Variants in KCNAB2 observed in about 807,000 individuals in gnomAD.
KCNAB2 encodes the protein potassium voltage-gated channel subfamily A regulatory beta subunit 2, also known as voltage-gated potassium channel subunit beta-2.
A neutral mutation model predicts 63.6 loss-of-function variants in KCNAB2; 29 were observed. That is an observed-to-expected ratio of 0.46 (90% CI 0.34 to 0.62). KCNAB2 has a LOEUF of 0.62. Ranked by LOEUF, KCNAB2 falls within the 20% of genes least tolerant of loss-of-function variation. The pLI is 0.01. For synonymous variants in KCNAB2, 222 were observed against 224.2 expected, an observed-to-expected ratio of 0.99 and a Z score of 0.09; for missense variants, 359 against 563.9, an observed-to-expected ratio of 0.64 and a Z score of 3.68.
At chr1:6,049,670 A>C (rs187083149) in intron 1 of KCNAB2, among the ~76,000 whole-genome samples, 86 of 152,304 alleles carry the variant, frequency 5.6e-4, no homozygotes, top group African/African-American at 2.0e-3. Flanking sequence ...AGCTCCCTGT[A>C]GGGGCTCCTC....
Position 6,078,026 on chromosome 1 carries a change from C to T in KCNAB2, c.301-4169C>T, listed in dbSNP as rs535969153. The stretch of plus-strand genomic sequence containing the variant: ...CCTGAGCCTAAGTCCAGGAGTCAGC[C>T]GGGCCGGGCTTCCTTCTCCCGGCCA... On this transcript the variant is annotated intron_variant, in intron 4 of 15. Coordinates refer to ENST00000378083, the MANE Select transcript of KCNAB2 (RefSeq NM_001199862.2). This position sits in a 1 kb window ranked among gnomAD's most constrained non-coding sequence, Gnocchi z 4.2. Among the ~76,000 whole-genome samples, 90 of 149,636 alleles carry T rather than the reference C, an allele frequency of 6.0e-4. No individual in the cohort carries two copies. The highest frequency in any genetic ancestry group is 1.6e-3 in the African/African-American group (64 of 39,712).
intron 5 of KCNAB2, among the ~76,000 whole-genome samples, chr1:6,082,998 G>T (rs1307458277): frequency 6.6e-6 from 1 of 152,190 alleles, no homozygotes; most frequent in Non-Finnish European, 1.5e-5. Flanking sequence ...CTGCAGCGGG[G>T]CCCAGAGCAC....
upstream of KCNAB2, among the ~76,000 whole-genome samples, chr1:6,043,401 C>G (rs1047725845): frequency 6.6e-6 from 1 of 152,232 alleles, no homozygotes; most frequent in Non-Finnish European, 1.5e-5. Flanking sequence ...CCCACAGGCT[C>G]AACATGTTGT....
chr1:6,090,197 TC>T (rs2100761587), intron 8 of KCNAB2, among the ~76,000 whole-genome samples, 191 bp from the exon 9 acceptor site: 1 of 151,858 alleles, frequency 6.6e-6, no homozygotes, highest in African/African-American at 2.4e-5. Context: ...GAAGGGAAGA[TC>T]CCCCCACTCC....
Position 6,096,921 on chromosome 1 carries a change from G to A in KCNAB2, c.1069+165G>A, listed in dbSNP as rs942706239. Among the ~76,000 whole-genome samples the A allele has an allele frequency of 2.0e-5, 3 of 152,160 alleles. No individual in the cohort carries two copies. The highest frequency in any genetic ancestry group is 4.8e-5 in the African/African-American group (2 of 41,416). On this transcript the variant is annotated intron_variant, in intron 14 of 15. Coordinates refer to ENST00000378083, the MANE Select transcript of KCNAB2 (RefSeq NM_001199862.2). The surrounding 1 kb of genome is among the most constrained non-coding windows in gnomAD (Gnocchi z 5.9). The stretch of plus-strand genomic sequence containing the variant: ...AGCCTCGGGTAATCGGGCTCTAAGG[G>A]GCATGGTTGGGACCCCATGCCTCTA...
chr1:6,023,760 G>T (rs1305879217), intron 1 of KCNAB2, among the ~76,000 whole-genome samples: 1 of 151,992 alleles, frequency 6.6e-6, no homozygotes, highest in African/African-American at 2.4e-5. Context: ...TGTTGATAGT[G>T]CCTTCTATTT....
chr1:6,048,780 A>G (rs1225801471), intron 1 of KCNAB2, among the ~76,000 whole-genome samples: 1 of 152,142 alleles, frequency 6.6e-6, no homozygotes, highest in African/African-American at 2.4e-5. Flanking sequence ...CATTTGCCCC[A>G]CACCGGACTG....
chr1:6,095,246 C>T (rs1665519118), intron 11 of KCNAB2, 77 bp from the exon 12 acceptor site: 2 of 1,477,878 alleles, frequency 1.4e-6, no homozygotes, highest in African/African-American at 2.8e-5. Context: ...CACCTTGGTG[C>T]CCTCTCCATG....
chr1:6,045,822 G>A, upstream of KCNAB2: 5 of 847,204 alleles, frequency 5.9e-6, no homozygotes, highest in Non-Finnish European at 7.1e-6. The surrounding 1 kb of genome is among the most constrained non-coding windows in gnomAD (Gnocchi z 4.8). Context: ...GGCAGCAAGG[G>A]TAGGCCTGAG....
chr1:6,072,751 T>A lies in KCNAB2; in HGVS notation c.219-4T>A, dbSNP rs746414786. 6.2e-7 allele frequency: 1 copy of A among 1,613,742 alleles called. No homozygotes were observed. The highest frequency in any genetic ancestry group is 8.5e-7 in the Non-Finnish European group (1 of 1,179,804). On this transcript the variant is annotated splice_region_variant and splice_polypyrimidine_tract_variant and intron_variant, in intron 2 of 15. Transcript: ENST00000378083. Reference sequence around the variant, plus strand: ...TGAGAACTCACGTGGCGTTTGTTTTTCAGGAACCTGGGCAAGTCTGGCCTG... The same window carrying A: ...TGAGAACTCACGTGGCGTTTGTTTTACAGGAACCTGGGCAAGTCTGGCCTG...
chr1:6,076,166 T>G (rs1663642843), intron 4 of KCNAB2, among the ~76,000 whole-genome samples: 1 of 152,226 alleles, frequency 6.6e-6, no homozygotes, highest in African/African-American at 2.4e-5. Context: ...CTGTGTGAAC[T>G]GCTCAGCCCA....
chr1:6,086,119 CG>C lies in KCNAB2; in HGVS notation c.425+875del, dbSNP rs1664676642. 1.2e-5 allele frequency: 12 copies of C among 985,292 alleles called. No individual in the cohort carries two copies. Among genetic ancestry groups the C allele is most frequent in the Non-Finnish European group, 1.3e-5 (11 of 829,932 alleles). 61.0% of individuals were successfully genotyped at this position (985,292 alleles called of 1,614,324 possible). ...TTTATCTCAAGGTGCTGACAAGCCC[CG>C]GGGCCCTGTTCCTTAATAAATGCGT... On this transcript the variant is annotated intron_variant, in intron 6 of 15. Coordinates refer to ENST00000378083, the MANE Select transcript of KCNAB2 (RefSeq NM_001199862.2). The surrounding 1 kb of genome is among the most constrained non-coding windows in gnomAD (Gnocchi z 4.2).
intron 4 of KCNAB2, among the ~76,000 whole-genome samples, chr1:6,076,651 A>T (rs1663691126): frequency 6.6e-6 from 1 of 152,182 alleles, no homozygotes; most frequent in Non-Finnish European, 1.5e-5. Flanking sequence ...AGGGGGTTCC[A>T]CCTGGTGCTC....
intron 13 of KCNAB2, 95 bp downstream of exon 13, chr1:6,095,719 T>C: frequency 8.6e-7 from 1 of 1,164,436 alleles, no homozygotes; most frequent in Non-Finnish European, 1.3e-6. Flanking sequence ...TGGGCAGGGG[T>C]TCCGGGAGCT....
chr1:6,055,316 C>T (rs542654019), intron 2 of KCNAB2, among the ~76,000 whole-genome samples: 3 of 151,024 alleles, frequency 2.0e-5, no homozygotes, highest in African/African-American at 7.3e-5. Context: ...TTGGGGATCT[C>T]GCTTCTCAGG....
At position 6,040,202 on chromosome 1, in the gene KCNAB2, C is replaced by T. The variant is rs533051758; in HGVS notation, c.-52-315C>T. Among the ~76,000 whole-genome samples, 202 of 152,336 alleles carry T rather than the reference C, an allele frequency of 1.3e-3. 1 individual carries two copies. Among genetic ancestry groups the T allele is most frequent in the African/African-American group, 4.4e-3 (181 of 41,574 alleles). On this transcript the variant is annotated intron_variant, in intron 1 of 15. Transcript: ENST00000164247. Reference sequence around the variant, plus strand: ...ATGTGGGCAGCAGAAACTACACCTACGGTTTCAGAACAACAGTTGGGGTGG... The same window carrying T: ...ATGTGGGCAGCAGAAACTACACCTATGGTTTCAGAACAACAGTTGGGGTGG...
intron 2 of KCNAB2, among the ~76,000 whole-genome samples, chr1:6,057,017 G>A (rs542522052): frequency 5.3e-5 from 8 of 151,804 alleles, no homozygotes; most frequent in African/African-American, 1.9e-4. Flanking sequence ...CCTGGCACCC[G>A]GAACACCCCC....
upstream of KCNAB2, among the ~76,000 whole-genome samples, chr1:6,033,798 A>G (rs571579934): frequency 6.6e-5 from 10 of 152,296 alleles, 1 homozygote; most frequent in South Asian, 2.1e-3. Flanking sequence ...CTGGGCTCCA[A>G]GCATTTTCAC....
At position 6,085,261 on chromosome 1, in the gene KCNAB2, C is replaced by T. The variant is rs764523207; in HGVS notation, c.425+13C>T. The stretch of plus-strand genomic sequence containing the variant: ...AGAAAGGATGGAGGTAACGGCCCTG[C>T]TCTCTGCGGCCTGTCCCTGGGGTGG... On this transcript the variant is annotated intron_variant, in intron 6 of 15. Transcript: ENST00000378083. 5 of 1,612,626 alleles carry T rather than the reference C, an allele frequency of 3.1e-6. No homozygotes were observed. The highest frequency in any genetic ancestry group is 1.7e-5 in the Admixed American group (1 of 60,030).
Sources: allele counts gnomAD v4.1 joint callset (sites outside exome capture counted in the v4.1 genomes callset), GRCh38; gene constraint gnomAD v4.1.1; non-coding constraint Gnocchi (gnomAD v3.1); transcripts MANE v1.5; gene names NCBI Gene and HGNC (gene_info 2026-07-23, HGNC 2026-07-21).